Variants in ANKS3 observed in about 807,000 individuals in gnomAD.
ANKS3 encodes the protein ankyrin repeat and SAM domain-containing protein 3.
In ANKS3, 62 loss-of-function variants were observed where a neutral mutation model predicts 80.7. The ratio of observed to expected loss-of-function variants is 0.77; its 90% CI spans 0.63 to 0.95. The LOEUF (loss-of-function observed/expected upper bound fraction) is 0.95. Among genes scored for constraint, ANKS3 ranks in the 40% least tolerant of loss-of-function variants. The pLI is 0.00. For synonymous variants in ANKS3, 489 were observed against 355.3 expected, an observed-to-expected ratio of 1.38 and a Z score of -4.23; for missense variants, 1,150 against 883.6, an observed-to-expected ratio of 1.30 and a Z score of -3.82.
At chr16:4,714,334 A>G in intron 6 of ANKS3, 148 bp from the exon 7 acceptor site, 1 of 1,215,748 alleles carries the variant, frequency 8.2e-7, no homozygotes, top group Non-Finnish European at 1.1e-6. Context: ...AGAAAGAGGC[A>G]GGCTTGTCTG....
chr16:4,727,342 G>A (rs1212391422), intron 3 of ANKS3, 165 bp from the exon 4 acceptor site: 1 of 694,050 alleles, frequency 1.4e-6, no homozygotes, highest in Non-Finnish European at 2.5e-6. Flanking sequence ...GAAAAATGCT[G>A]ACAGTTGCTC....
intron 6 of ANKS3, among the ~76,000 whole-genome samples, chr16:4,715,631 T>C (rs1390478985): frequency 6.6e-6 from 1 of 152,120 alleles, no homozygotes; most frequent in Non-Finnish European, 1.5e-5. Context: ...CAAAACTACA[T>C]ATACATTACA....
chr16:4,711,098 A>ATTTTTTTTTTTTTTTTTTTTTTTTT (rs35899381), intron 7 of ANKS3, among the ~76,000 whole-genome samples: 1 of 104,476 alleles, frequency 9.6e-6, no homozygotes, highest in Non-Finnish European at 1.9e-5. Flanking sequence ...CTGAAACAGA[A>ATTTTTTTTTTTTTTTTTTTTTTTTT]TTTTTTTTTT....
rs776615282 is a variant in ANKS3 at position 4,699,096 on chromosome 16, G to C, written c.1365C>G (p.Ile455Met). 6 of 1,614,202 alleles carry C rather than the reference G, an allele frequency of 3.7e-6. No homozygotes were observed. The highest frequency in any genetic ancestry group is 1.3e-5 in the African/African-American group (1 of 75,072). ...GGTCGCTCTCAGTGAGGGTCAGAAA[G>C]ATGCGGAGGTCCACGTCCTGCTCCT... ...VFEEQDVDLR[I>M]FLTLTESDLK... The change falls in exon 12 of 18, where the codon ATC becomes ATG. Residue 455 changes from isoleucine to methionine, a missense_variant. By Grantham distance (10) the Ile-to-Met change is conservative. Coordinates refer to ENST00000304283, the MANE Select transcript of ANKS3 (RefSeq NM_133450.4).
chr16:4,726,721 G>A lies in ANKS3; in HGVS notation c.429C>T (p.Thr143=), dbSNP rs1567443618. ...TGACCATGTGCTGGTGCCCGGCGCT[G>A]GTACAGTGGAAGAGGGCTGTCCAGC... ...IQGWTALFHC[T]SAGHQHMVRF... is the part of the protein sequence containing the mutation. The change falls in exon 5 of 18, where the codon ACC becomes ACT. Residue 143 remains threonine, a synonymous_variant. Coordinates refer to ENST00000304283, the MANE Select transcript of ANKS3 (RefSeq NM_133450.4). 1 of 1,614,200 alleles carries A rather than the reference G, an allele frequency of 6.2e-7. No individual in the cohort carries two copies. Among genetic ancestry groups the A allele is most frequent in the Admixed American group, 1.7e-5 (1 of 60,026 alleles).
At chr16:4,701,630 G>A in intron 9 of ANKS3, 87 bp from the exon 10 acceptor site, 2 of 1,196,920 alleles carry the variant, frequency 1.7e-6, no homozygotes, top group African/African-American at 1.5e-5. Context: ...GCCTCCACCA[G>A]GGCACTCCTT....
At chr16:4,699,426 TCC>T (rs1441854136) in intron 11 of ANKS3, 2 of 535,564 alleles carry the variant, frequency 3.7e-6, no homozygotes, top group African/African-American at 3.8e-5. Flanking sequence ...GGCCTCCTCC[TCC>T]CACACATGCT....
At chr16:4,704,260 G>A (rs987763817) in intron 8 of ANKS3, among the ~76,000 whole-genome samples, 4 of 152,142 alleles carry the variant, frequency 2.6e-5, no homozygotes, top group African/African-American at 9.7e-5. Flanking sequence ...GGTCTAGAAG[G>A]GAATTCAATT....
At chr16:4,723,125 C>T (rs989402102) in intron 6 of ANKS3, among the ~76,000 whole-genome samples, 3 of 152,112 alleles carry the variant, frequency 2.0e-5, no homozygotes, top group Non-Finnish European at 4.4e-5. Context: ...TCATCAGGAC[C>T]GCCTGCACTT....
chr16:4,697,059 A>T lies in ANKS3; in HGVS notation c.1940T>A (p.Val647Glu). 4 of 1,613,770 alleles carry T rather than the reference A, an allele frequency of 2.5e-6. No homozygotes were observed. The highest frequency in any genetic ancestry group is 3.4e-6 in the Non-Finnish European group (4 of 1,179,970). The change falls in exon 17 of 18, where the codon GTG (valine) becomes GAG (glutamate). Residue 647 changes from valine (V) to glutamate (E), a missense_variant. Physicochemically the swap from Val to Glu is moderately radical, Grantham distance 121. Coordinates refer to ENST00000304283, the MANE Select transcript of ANKS3 (RefSeq NM_133450.4). ...LVTQSLEKLQ[V>E]LNGKKWRET Reference sequence around the variant, plus strand: ...CTCCCGCCACTTCTTCCCGTTCAGCACCTGCAGCTTCTCCAGGCTCTGGGT... The same window carrying T: ...CTCCCGCCACTTCTTCCCGTTCAGCTCCTGCAGCTTCTCCAGGCTCTGGGT...
At chr16:4,723,704 A>G (rs932401533) in intron 6 of ANKS3, among the ~76,000 whole-genome samples, 1 of 152,228 alleles carries the variant, frequency 6.6e-6, no homozygotes, top group Non-Finnish European at 1.5e-5. Flanking sequence ...ATTCCTCAGT[A>G]GATGGACTTG....
chr16:4,708,613 A>G (rs906115016), intron 7 of ANKS3, among the ~76,000 whole-genome samples: 1 of 152,186 alleles, frequency 6.6e-6, no homozygotes, highest in African/African-American at 2.4e-5. Context: ...TCCACTAAAC[A>G]GACAAAGTAC....
intron 6 of ANKS3, among the ~76,000 whole-genome samples, chr16:4,718,819 T>C (rs1402109150): frequency 3.9e-5 from 6 of 152,152 alleles, no homozygotes; most frequent in Non-Finnish European, 5.9e-5. Context: ...CAGTGTTGAG[T>C]TCCTGAGTCT....
intron 3 of ANKS3, chr16:4,727,877 T>C (rs920549028): frequency 6.5e-6 from 1 of 153,342 alleles, no homozygotes; most frequent in Non-Finnish European, 1.5e-5. Flanking sequence ...GCTGCGACTC[T>C]GGGGTTGGGA....
chr16:4,699,247 G>C, intron 11 of ANKS3, 71 bp from the exon 12 acceptor site: 2 of 1,557,556 alleles, frequency 1.3e-6, no homozygotes, highest in African/African-American at 1.4e-5. Flanking sequence ...TCCTCCACTC[G>C]GAGCCCCACC....
intron 6 of ANKS3, among the ~76,000 whole-genome samples, chr16:4,723,406 C>A (rs1009139778): frequency 6.6e-6 from 1 of 152,188 alleles, no homozygotes; most frequent in African/African-American, 2.4e-5. Flanking sequence ...TGGCTTCTTT[C>A]ACTGAGCCGA....
At chr16:4,716,016 G>C (rs992741993) in intron 6 of ANKS3, among the ~76,000 whole-genome samples, 2 of 151,932 alleles carry the variant, frequency 1.3e-5, no homozygotes, top group Non-Finnish European at 2.9e-5. Flanking sequence ...GTGGTGGGTG[G>C]GAGTACCTGC....
chr16:4,724,635 AAATG>A, intron 6 of ANKS3, 111 bp downstream of exon 6: 2 of 1,011,044 alleles, frequency 2.0e-6, no homozygotes, highest in South Asian at 1.6e-5. Context: ...TGTGTTGAAT[AAATG>A]AATGAAAGTT....
At chr16:4,722,165 T>G (rs76198958) in intron 6 of ANKS3, among the ~76,000 whole-genome samples, 6,732 of 151,432 alleles carry the variant, frequency 0.044, 388 homozygotes, top group Middle Eastern at 0.088. Context: ...CCCAAAATTC[T>G]TTGTTAAAAA....
Sources: allele counts gnomAD v4.1 joint callset (sites outside exome capture counted in the v4.1 genomes callset), GRCh38; gene constraint gnomAD v4.1.1; transcripts MANE v1.5; gene names NCBI Gene and HGNC (gene_info 2026-07-23, HGNC 2026-07-21).